FARP2: variants seen among roughly 807,000 people sequenced by gnomAD.
The protein encoded by FARP2 is FERM, ARH/RhoGEF and pleckstrin domain protein 2, also known as FERM, ARHGEF and pleckstrin domain-containing protein 2.
Under a neutral mutation model 130.5 loss-of-function variants are expected in FARP2, and 111 were observed. The ratio of observed to expected loss-of-function variants is 0.85; its 90% confidence interval spans 0.73 to 1.00. The LOEUF (loss-of-function observed/expected upper bound fraction) is 1.00, where lower values mean the gene tolerates loss of function less well. Ranked by LOEUF, FARP2 falls within the 50% of genes least tolerant of loss-of-function variation. FARP2 has a pLI of 0.00. For missense variants in FARP2, 1,385 were observed against 1,346.3 expected, an observed-to-expected ratio of 1.03 and a Z score of -0.45; for synonymous variants, 504 against 516.9, an observed-to-expected ratio of 0.98 and a Z score of 0.34.
At chr2:241,417,926 G>GT in intron 7 of FARP2, 36 bp from the exon 8 acceptor site, 6 of 1,611,576 alleles carry the variant, frequency 3.7e-6, no homozygotes, top group Non-Finnish European at 3.4e-6. Context: ...GAAATCAAGT[G>GT]TTTGTAGTGT....
chr2:241,429,369 T>C (rs1024556415), intron 8 of FARP2, among the ~76,000 whole-genome samples: 3 of 152,150 alleles, frequency 2.0e-5, no homozygotes. Flanking sequence ...TTCATGACCT[T>C]GACATTTTGG....
At chr2:241,378,922 T>C (rs2061601021) in intron 2 of FARP2, among the ~76,000 whole-genome samples, 1 of 152,250 alleles carries the variant, frequency 6.6e-6, no homozygotes, top group South Asian at 2.1e-4. Context: ...AAACAAATTC[T>C]GTGGTTTTGA....
chr2:241,465,914 G>A, intron 17 of FARP2: 2 of 1,430,938 alleles, frequency 1.4e-6, no homozygotes, highest in Non-Finnish European at 1.8e-6. Flanking sequence ...CAGCCTAGGT[G>A]CCCTTTTCCT....
intron 5 of FARP2, 105 bp from the exon 6 acceptor site, chr2:241,410,928 G>A: frequency 1.3e-6 from 1 of 789,822 alleles, no homozygotes; most frequent in Non-Finnish European, 2.1e-6. Context: ...TTGGGTCACT[G>A]CCACTTCCCA....
At position 241,475,980 on chromosome 2, in the gene FARP2, CT is replaced by C. The variant is rs1294463565; in HGVS notation, c.2256del (p.Gly753AlafsTer95). 1.2e-6 allele frequency: 2 copies of C among 1,612,282 alleles called. No homozygotes were observed. The highest frequency in any genetic ancestry group is 1.7e-6 in the Non-Finnish European group (2 of 1,179,384). On this transcript the variant is annotated frameshift_variant, in exon 19 of 27. Coordinates refer to ENST00000264042, the MANE Select transcript of FARP2 (RefSeq NM_014808.4). LOFTEE classifies it high-confidence loss of function. The surrounding 1 kb of genome is among the most constrained non-coding windows in gnomAD (Gnocchi z 4.4). ...DLVGIENLIA[P>X]GREFIREGCL... is the part of the protein sequence containing the mutation. Reference sequence around the variant, plus strand: ...GTGGGCATAGAGAACCTCATTGCTCCTGGCAGGGTGAGTGACCTTGCTCTGG... The same window carrying C: ...GTGGGCATAGAGAACCTCATTGCTCCGGCAGGGTGAGTGACCTTGCTCTGG...
At chr2:241,383,441 A>G (rs1373285501) in intron 2 of FARP2, among the ~76,000 whole-genome samples, 1 of 152,182 alleles carries the variant, frequency 6.6e-6, no homozygotes, top group Non-Finnish European at 1.5e-5. Context: ...GGAACAGCAC[A>G]TGCAGGTGCC....
chr2:241,407,368 A>G (rs1445686607), intron 4 of FARP2, among the ~76,000 whole-genome samples, 169 bp from the exon 5 acceptor site: 2 of 152,200 alleles, frequency 1.3e-5, no homozygotes, highest in African/African-American at 2.4e-5. Context: ...GTGGGATTAC[A>G]GGCACACACC....
chr2:241,388,347 A>C (rs535704886), intron 2 of FARP2, among the ~76,000 whole-genome samples: 7 of 152,348 alleles, frequency 4.6e-5, no homozygotes, highest in Admixed American at 3.3e-4. Context: ...AGTCTTCCAC[A>C]GATGGTGCCT....
chr2:241,357,220 T>C (rs2061088851), intron 1 of FARP2, among the ~76,000 whole-genome samples: 1 of 152,246 alleles, frequency 6.6e-6, no homozygotes, highest in Non-Finnish European at 1.5e-5. Context: ...GGTTTTTCTC[T>C]CTGGGTTTTT....
At chr2:241,406,644 G>T (rs1329298150) in intron 4 of FARP2, among the ~76,000 whole-genome samples, 1 of 151,556 alleles carries the variant, frequency 6.6e-6, no homozygotes, top group Non-Finnish European at 1.5e-5. Context: ...GAGAGGGGCG[G>T]GTAGAGATGG....
intron 2 of FARP2, among the ~76,000 whole-genome samples, chr2:241,382,349 C>T (rs112347514): frequency 0.096 from 13,214 of 137,484 alleles, 616 homozygotes; most frequent in Middle Eastern, 0.2. Context: ...GGCTGGAGTG[C>T]GGTGGTGCAA....
At chr2:241,410,969 T>A (rs1301272904) in intron 5 of FARP2, 64 bp from the exon 6 acceptor site, 4 of 1,132,294 alleles carry the variant, frequency 3.5e-6, no homozygotes, top group Non-Finnish European at 5.2e-6. Context: ...TGTGGAGACA[T>A]GTCTATGTTA....
intron 18 of FARP2, among the ~76,000 whole-genome samples, chr2:241,473,525 G>A (rs964082571): frequency 6.6e-6 from 1 of 152,220 alleles, no homozygotes; most frequent in African/African-American, 2.4e-5. Flanking sequence ...GGTCCAAAAT[G>A]TGTCCTGAGC....
intron 21 of FARP2, among the ~76,000 whole-genome samples, chr2:241,485,155 T>C (rs1053885112): frequency 6.6e-6 from 1 of 151,818 alleles, no homozygotes; most frequent in Non-Finnish European, 1.5e-5. Flanking sequence ...TCTTGTAATC[T>C]TCCCTCCCTG....
At position 241,483,464 on chromosome 2, in the gene FARP2, G is replaced by A. The variant is rs1357328746; in HGVS notation, c.2263-1G>A. On this transcript the variant is annotated splice_acceptor_variant, in intron 19 of 26. Transcript: ENST00000264042. LOFTEE classifies it high-confidence loss of function. ...AAGGGGACTCTGTCTCTGTCTTTCA[G>A]GAGTTCATCCGTGAGGGCTGCCTTC... The A allele has an allele frequency of 6.2e-7, 1 of 1,613,928 alleles. No homozygotes were observed. Among genetic ancestry groups the A allele is most frequent in the Non-Finnish European group, 8.5e-7 (1 of 1,179,856 alleles).
chr2:241,464,823 G>A (rs2064126994), intron 17 of FARP2, among the ~76,000 whole-genome samples: 1 of 151,950 alleles, frequency 6.6e-6, no homozygotes, highest in African/African-American at 2.4e-5. Context: ...TACTCTGGAT[G>A]GGGTCTCCCT....
At chr2:241,464,503 A>T (rs2064116239) in intron 17 of FARP2, among the ~76,000 whole-genome samples, 1 of 102,042 alleles carries the variant, frequency 9.8e-6, no homozygotes, top group South Asian at 2.7e-4. Flanking sequence ...ATCTCAGAAC[A>T]GGTTCCTACT....
intron 1 of FARP2, among the ~76,000 whole-genome samples, chr2:241,371,021 C>G (rs1413700637): frequency 1.3e-5 from 2 of 152,118 alleles, no homozygotes; most frequent in Non-Finnish European, 2.9e-5. Context: ...GTTCATAGTA[C>G]TCACATTTTG....
intron 14 of FARP2, among the ~76,000 whole-genome samples, chr2:241,457,470 C>A (rs12618901): frequency 1.1e-5 from 1 of 87,486 alleles, no homozygotes; most frequent in East Asian, 4.6e-4. Flanking sequence ...CACTAGGGAC[C>A]GCTTTGGGTT....
Sources: gnomAD v4.1 joint callset for allele counts (sites outside exome capture counted in the v4.1 genomes callset) on GRCh38, gnomAD v4.1.1 for gene constraint, Gnocchi (gnomAD v3.1) non-coding constraint, MANE v1.5 for transcripts, NCBI Gene and HGNC (gene_info 2026-07-23, HGNC 2026-07-21) for gene names.